ZFAND3: variants seen among roughly 807,000 people sequenced by gnomAD.
ZFAND3 encodes AN1-type zinc finger protein 3.
A neutral mutation model predicts 29.6 loss-of-function variants in ZFAND3; 10 were observed. The observed-to-expected ratio is 0.34, with a 90% CI of 0.21 to 0.57. The LOEUF (loss-of-function observed/expected upper bound fraction) is 0.57, where lower values mean the gene tolerates loss of function less well. ZFAND3 is among the 20% of genes least tolerant of loss of function. The probability of loss-of-function intolerance (pLI) is 0.86; values close to 1 mark genes in which losing one functional copy is unlikely to be tolerated. For missense variants in ZFAND3, 230 were observed against 304.5 expected, an observed-to-expected ratio of 0.76 and a Z score of 1.82; for synonymous variants, 128 against 112.6, an observed-to-expected ratio of 1.14 and a Z score of -0.87.
At chr6:37,908,349 A>AT (rs1765447364) in intron 1 of ZFAND3, among the ~76,000 whole-genome samples, 1 of 152,146 alleles carries the variant, frequency 6.6e-6, no homozygotes, top group Non-Finnish European at 1.5e-5. Flanking sequence ...CTTTATTTTA[A>AT]TGTAAAACGT....
intron 2 of ZFAND3, among the ~76,000 whole-genome samples, chr6:37,943,318 A>T (rs1477266760): frequency 1.3e-5 from 2 of 152,130 alleles, no homozygotes; most frequent in Non-Finnish European, 2.9e-5. Flanking sequence ...CAGTTTTCTG[A>T]GTAAAGATAT....
Position 37,875,905 on chromosome 6 carries a change from A to G in ZFAND3, c.72-54054A>G, listed in dbSNP as rs147595868. The stretch of plus-strand genomic sequence containing the variant: ...AGGCTGGTCTCAAACTTCTGGGCTC[A>G]AGTGATTTTCTCTCCTTGGCCTCCC... On this transcript the variant is annotated intron_variant, in intron 1 of 5. Transcript: ENST00000287218. Among the ~76,000 whole-genome samples the G allele has an allele frequency of 1.7e-3, 253 of 152,102 alleles. 5 individuals are homozygous for G. The highest frequency in any genetic ancestry group is 9.7e-4 in the Non-Finnish European group (66 of 67,990).
Position 38,079,524 on chromosome 6 carries a change from G to A in ZFAND3, c.296-2868G>A, listed in dbSNP as rs1484026012. 2.0e-5 allele frequency among the ~76,000 whole-genome samples: 3 copies of A among 150,530 alleles called. No individual in the cohort carries two copies. In the East Asian group the frequency reaches 6.4e-4, roughly 32 times the overall value. On this transcript the variant is annotated intron_variant, in intron 3 of 5. Coordinates refer to ENST00000287218, the MANE Select transcript of ZFAND3 (RefSeq NM_021943.3). ...GATTCTCTTATTTGATAATCCTCTA[G>A]AACATATGTAAATATGTGTTAATTC...
In ZFAND3 at chr6:38,153,584, G is replaced by C; in HGVS notation, c.*1195G>C. 2 of 985,552 alleles carry C rather than the reference G, an allele frequency of 2.0e-6. No homozygotes were observed. The highest frequency in any genetic ancestry group is 2.4e-6 in the Non-Finnish European group (2 of 830,030). 61.1% of individuals were successfully genotyped at this position (985,552 alleles called of 1,614,324 possible). A position where few individuals can be genotyped will look rare whatever the true frequency, so the allele number is the denominator to read the frequency against. On this transcript the variant is annotated 3_prime_UTR_variant, in exon 6 of 6. Coordinates refer to ENST00000287218, the MANE Select transcript of ZFAND3 (RefSeq NM_021943.3). ...CCGAGAGTGATATTTGCTCTGGTAG[G>C]TGAGGGCCTGAGGGTACATTTCTCC...
chr6:37,906,392 A>T (rs1019854165), intron 1 of ZFAND3, among the ~76,000 whole-genome samples: 6 of 152,192 alleles, frequency 3.9e-5, no homozygotes, highest in Non-Finnish European at 1.5e-5. Flanking sequence ...ACCGAATAAC[A>T]TTCCATTGTA....
At chr6:38,010,621 A>T (rs1392360163) in intron 2 of ZFAND3, among the ~76,000 whole-genome samples, 1 of 144,518 alleles carries the variant, frequency 6.9e-6, no homozygotes, top group Non-Finnish European at 1.5e-5. Flanking sequence ...TTTTTCCGAG[A>T]CAGGATCTTG....
chr6:38,042,663 C>G (rs1473239510), intron 2 of ZFAND3, among the ~76,000 whole-genome samples: 1 of 152,020 alleles, frequency 6.6e-6, no homozygotes, highest in Non-Finnish European at 1.5e-5. Flanking sequence ...TCATTATTGG[C>G]TCTCACAAGA....
At chr6:38,035,557 ATAG>A (rs1415455615) in intron 2 of ZFAND3, among the ~76,000 whole-genome samples, 5 of 152,210 alleles carry the variant, frequency 3.3e-5, no homozygotes, top group Admixed American at 2.0e-4. Flanking sequence ...CACTGACGAA[ATAG>A]TAAACTTAGG....
chr6:37,832,129 C>A (rs910909704), intron 1 of ZFAND3, among the ~76,000 whole-genome samples: 10 of 152,080 alleles, frequency 6.6e-5, no homozygotes, highest in African/African-American at 2.4e-4. Flanking sequence ...AACCGGTTAG[C>A]CTGTGGACCA....
rs1433695452 is a variant in ZFAND3, at chr6:37,934,529, T to A, written c.112+4530T>A. 3.3e-4 allele frequency among the ~76,000 whole-genome samples: 41 copies of A among 125,338 alleles called. 1 individual carries two copies. Among genetic ancestry groups the A allele is most frequent in the South Asian group, 5.3e-4 (2 of 3,780 alleles). The allele number at this position is 125,338 out of a possible 152,430, so 82.2% of individuals were successfully genotyped here. A position where few individuals can be genotyped will look rare whatever the true frequency, so the allele number is the denominator to read the frequency against. On this transcript the variant is annotated intron_variant, in intron 2 of 5. Coordinates refer to ENST00000287218, the MANE Select transcript of ZFAND3 (RefSeq NM_021943.3). ...TTTATCTGAGGTCATTTAGTCTATT[T>A]AAAAAAAAAAAAAAAAAAAAGTCCA...
intron 4 of ZFAND3, among the ~76,000 whole-genome samples, chr6:38,094,333 A>G (rs1290111874): frequency 3.3e-5 from 5 of 152,096 alleles, no homozygotes; most frequent in African/African-American, 9.7e-5. Context: ...CCAGAAGAAA[A>G]AAAAAAAGCA....
intron 2 of ZFAND3, among the ~76,000 whole-genome samples, chr6:37,993,582 C>T (rs1762798107): frequency 6.6e-6 from 1 of 152,142 alleles, no homozygotes; most frequent in Admixed American, 6.5e-5. Context: ...CCACCTTGGC[C>T]TCCCAAAGTG....
At chr6:37,832,617 A>G (rs1285103723) in intron 1 of ZFAND3, among the ~76,000 whole-genome samples, 5 of 152,286 alleles carry the variant, frequency 3.3e-5, no homozygotes, top group African/African-American at 9.6e-5. Flanking sequence ...CTGGTGAATT[A>G]TAGACAGCTT....
At position 38,115,480 on chromosome 6, in the gene ZFAND3, A is replaced by G. The variant is rs1484485557; in HGVS notation, c.362-1092A>G. ...ACAGAGTCACTTGTCTGCTATGTGG[A>G]GAATAGACTGTAGAAACAAGGGGAT... On this transcript the variant is annotated intron_variant, in intron 4 of 5. Coordinates refer to ENST00000287218, the MANE Select transcript of ZFAND3 (RefSeq NM_021943.3). Among the ~76,000 whole-genome samples the G allele has an allele frequency of 2.0e-5, 3 of 152,244 alleles. No homozygotes were observed. In the East Asian group the frequency reaches 5.8e-4, roughly 29 times the overall value.
At chr6:38,034,412 C>T (rs999009718) in intron 2 of ZFAND3, among the ~76,000 whole-genome samples, 9 of 152,116 alleles carry the variant, frequency 5.9e-5, no homozygotes, top group African/African-American at 1.9e-4. Flanking sequence ...GGATGTATCA[C>T]CCTTTGATAG....
chr6:37,955,901 A>C (rs897940623), intron 2 of ZFAND3, among the ~76,000 whole-genome samples: 2 of 152,208 alleles, frequency 1.3e-5, no homozygotes, highest in African/African-American at 2.4e-5. Context: ...GGAAGAAATA[A>C]ATGTGACTAT....
chr6:37,908,355 AACGT>A (rs1163417535), intron 1 of ZFAND3, among the ~76,000 whole-genome samples: 1 of 152,080 alleles, frequency 6.6e-6, no homozygotes, highest in Non-Finnish European at 1.5e-5. Context: ...TTTAATGTAA[AACGT>A]AAATGTACAT....
At chr6:38,064,834 T>A (rs1337912419) in intron 3 of ZFAND3, among the ~76,000 whole-genome samples, 1 of 152,192 alleles carries the variant, frequency 6.6e-6, no homozygotes, top group Admixed American at 6.5e-5. Context: ...TCCTAATTCC[T>A]CAAGTTTCTA....
intron 2 of ZFAND3, among the ~76,000 whole-genome samples, chr6:38,018,174 T>G (rs1763284483): frequency 2.0e-5 from 3 of 152,182 alleles, no homozygotes; most frequent in African/African-American, 7.2e-5. Flanking sequence ...AAAATGGTCA[T>G]TAGCCTCATC....
Sources: allele counts gnomAD v4.1 joint callset (sites outside exome capture counted in the v4.1 genomes callset), GRCh38; gene constraint gnomAD v4.1.1; transcripts MANE v1.5; gene names NCBI Gene and HGNC (gene_info 2026-07-23, HGNC 2026-07-21).